Variants in LAMA2 observed in about 807,000 individuals in gnomAD.
LAMA2 encodes laminin subunit alpha 2.
In LAMA2, 269 loss-of-function variants were observed where a neutral mutation model predicts 364.8. The ratio of observed to expected loss-of-function variants is 0.74; its 90% confidence interval spans 0.67 to 0.82. The LOEUF (loss-of-function observed/expected upper bound fraction) is 0.82. Ranked by LOEUF, LAMA2 falls within the 40% of genes least tolerant of loss-of-function variation. The pLI, the probability that LAMA2 is intolerant of heterozygous loss-of-function variation, is 0.00. For synonymous variants in LAMA2, 1,379 were observed against 1,370.6 expected, an observed-to-expected ratio of 1.01 and a Z score of -0.14; for missense variants, 3,807 against 3,873.2, an observed-to-expected ratio of 0.98 and a Z score of 0.45.
intron 2 of LAMA2, among the ~76,000 whole-genome samples, chr6:129,052,538 TCCCCCG>T (rs1788148648): frequency 6.6e-6 from 1 of 151,768 alleles, no homozygotes; most frequent in South Asian, 2.1e-4. Context: ...TCCCCATATT[TCCCCCG>T]CCCCAACACA....
chr6:129,287,745 G>A, intron 18 of LAMA2, 102 bp from the exon 19 acceptor site: 1 of 1,015,430 alleles, frequency 9.8e-7, no homozygotes, highest in Non-Finnish European at 1.6e-6. Flanking sequence ...ACACTTAAAA[G>A]GAAAATCCAT....
rs200976751 is a variant in LAMA2, at chr6:129,200,537, AGT to A, written c.1782+7691_1782+7692del. Among the ~76,000 whole-genome samples, 1,194 of 151,196 alleles carry A rather than the reference AGT, an allele frequency of 7.9e-3. 15 individuals are homozygous for A. Among genetic ancestry groups the A allele is most frequent in the African/African-American group, 0.027 (1,132 of 41,190 alleles). ...GTATATGCATATATGTATATATGTGAGTGTGTGTATATATATATATTTAGAAA... is the reference window on the plus strand; with the variant it reads ...GTATATGCATATATGTATATATGTGAGTGTGTATATATATATATTTAGAAA... On this transcript the variant is annotated intron_variant, in intron 12 of 64. Coordinates refer to ENST00000421865, the MANE Select transcript of LAMA2 (RefSeq NM_000426.4).
intron 40 of LAMA2, among the ~76,000 whole-genome samples, chr6:129,422,146 T>A (rs182013619): frequency 6.6e-6 from 1 of 152,176 alleles, no homozygotes; most frequent in African/African-American, 2.4e-5. Flanking sequence ...ACATCAAAAG[T>A]CCCTGCCTGC....
intron 18 of LAMA2, 119 bp downstream of exon 18, chr6:129,280,266 A>C: frequency 1.4e-6 from 1 of 725,862 alleles, no homozygotes; most frequent in Non-Finnish European, 2.5e-6. Flanking sequence ...AATGAGGTGA[A>C]ATAAAGTTTC....
In LAMA2 at chr6:129,314,672, C is replaced by A. The variant is rs200646230; in HGVS notation, c.3429C>A (p.Ile1143=). The A allele has an allele frequency of 1.5e-4, 240 of 1,613,634 alleles. No homozygotes were observed. The East Asian group carries it at 5.0e-3, about 34-fold the overall frequency. Reference sequence around the variant, plus strand: ...TTCCTCAGGTGAATGTGGAAGGCATCCACTGTGACAGATGCCGGCCTGGCA... The same window carrying A: ...TTCCTCAGGTGAATGTGGAAGGCATACACTGTGACAGATGCCGGCCTGGCA... The part of the protein sequence containing the change: ...QCTCKVNVEG[I]HCDRCRPGKF... Residue 1143 remains isoleucine, a synonymous_variant, in exon 24 of 65, where the codon ATC becomes ATA. Coordinates refer to ENST00000421865, the MANE Select transcript of LAMA2 (RefSeq NM_000426.4).
chr6:129,504,036 G>A (rs560495031), intron 60 of LAMA2, among the ~76,000 whole-genome samples: 2 of 152,264 alleles, frequency 1.3e-5, no homozygotes, highest in African/African-American at 4.8e-5. Context: ...TTAAAGCAAA[G>A]CTTCCCTAGG....
At position 129,095,558 on chromosome 6, in the gene LAMA2, G is replaced by C. The variant is rs372524143; in HGVS notation, c.397-2615G>C. On this transcript the variant is annotated intron_variant, in intron 3 of 64. Coordinates refer to ENST00000421865, the MANE Select transcript of LAMA2 (RefSeq NM_000426.4). ...AAAATGTGTTTATGTAAAATTAAAT[G>C]AGAGCTGGCAGTGAGCTGTACATTT... Among the ~76,000 whole-genome samples, 919 of 152,160 alleles carry C rather than the reference G, an allele frequency of 6.0e-3. 8 individuals carry two copies. The highest frequency in any genetic ancestry group is 0.021 in the African/African-American group (880 of 41,518).
chr6:129,348,143 GTT>G (rs1776660349), intron 30 of LAMA2, among the ~76,000 whole-genome samples: 1 of 152,146 alleles, frequency 6.6e-6, no homozygotes, highest in Admixed American at 6.5e-5. Flanking sequence ...TCAGTTATAA[GTT>G]TATTTTTTGT....
Position 129,402,330 on chromosome 6 carries a change from G to A in LAMA2, c.5569G>A (p.Glu1857Lys). ...DEINSIIDYV[E>K]DIQTKLPPMS... ...CCTCTTCTCTACATATCAGTATGTT[G>A]AAGACATCCAAACTAAATTGCCACC... The change falls in exon 39 of 65, where the codon GAA becomes AAA. Residue 1857 changes from glutamate to lysine, a missense_variant. Physicochemically the swap from Glu to Lys is moderately conservative, Grantham distance 56. Coordinates refer to ENST00000421865, the MANE Select transcript of LAMA2 (RefSeq NM_000426.4). 1 of 1,610,942 alleles carries A rather than the reference G, an allele frequency of 6.2e-7. No homozygotes were observed. The highest frequency in any genetic ancestry group is 8.5e-7 in the Non-Finnish European group (1 of 1,178,144).
At chr6:128,914,215 A>C (rs1582664741) in intron 1 of LAMA2, among the ~76,000 whole-genome samples, 1 of 152,292 alleles carries the variant, frequency 6.6e-6, no homozygotes, top group East Asian at 1.9e-4. Context: ...CACAACTCCC[A>C]AAAACCAGCT....
At chr6:129,327,555 G>A (rs150403085) in intron 28 of LAMA2, among the ~76,000 whole-genome samples, 9 of 152,254 alleles carry the variant, frequency 5.9e-5, no homozygotes, top group South Asian at 2.1e-4. Flanking sequence ...AACACAAGAC[G>A]GTTTTCATCT....
chr6:129,316,113 T>C lies in LAMA2; in HGVS notation c.4000T>C (p.Tyr1334His), dbSNP rs762409442. 1 of 1,608,340 alleles carries C rather than the reference T, an allele frequency of 6.2e-7. No homozygotes were observed. The highest frequency in any genetic ancestry group is 8.5e-7 in the Non-Finnish European group (1 of 1,174,880). ...VTREDFLDIL[Y>H]DIHYILIKAT... Reference sequence around the variant, plus strand: ...CCGAGAAGACTTCTTGGATATACTATATGATATTCATTACATTCTTATCAA... The same window carrying C: ...CCGAGAAGACTTCTTGGATATACTACATGATATTCATTACATTCTTATCAA... Residue 1334 changes from tyrosine to histidine, a missense_variant, in exon 27 of 65, where the codon TAT becomes CAT. Around this residue, in one of 3 missense-constraint regions of LAMA2, gnomAD observed 3,333 missense variants for 3,345.7 expected, o/e 1.00. Transcript: ENST00000421865.
chr6:129,098,533 A>C, intron 4 of LAMA2, 118 bp downstream of exon 4: 1 of 1,230,310 alleles, frequency 8.1e-7, no homozygotes, highest in Non-Finnish European at 1.2e-6. Flanking sequence ...ATTTAGCAAA[A>C]GTACATTTAA....
chr6:128,980,588 C>T (rs1489005764), intron 1 of LAMA2, among the ~76,000 whole-genome samples: 1 of 152,126 alleles, frequency 6.6e-6, no homozygotes, highest in Non-Finnish European at 1.5e-5. Context: ...GAGCTGTGCA[C>T]ATATCTGCTA....
At chr6:129,068,950 A>G (rs1200422811) in intron 3 of LAMA2, among the ~76,000 whole-genome samples, 2 of 152,190 alleles carry the variant, frequency 1.3e-5, no homozygotes, top group Non-Finnish European at 2.9e-5. Flanking sequence ...GTGTAAATGT[A>G]GGATATGTAT....
chr6:129,067,011 A>AT (rs1789407910), intron 3 of LAMA2, among the ~76,000 whole-genome samples: 1 of 152,228 alleles, frequency 6.6e-6, no homozygotes. Context: ...CTGGGCAATG[A>AT]TTTTTTAAAG....
chr6:128,895,136 CT>C (rs746735873), intron 1 of LAMA2, among the ~76,000 whole-genome samples: 4 of 152,092 alleles, frequency 2.6e-5, no homozygotes, highest in Non-Finnish European at 5.9e-5. Context: ...GATACCATTT[CT>C]TTTTAAGGGG....
At chr6:129,439,883 T>C (rs1010284236) in intron 42 of LAMA2, among the ~76,000 whole-genome samples, 1 of 146,972 alleles carries the variant, frequency 6.8e-6, no homozygotes, top group African/African-American at 2.6e-5. Context: ...AACATAAGTA[T>C]AGATAACATA....
intron 1 of LAMA2, among the ~76,000 whole-genome samples, chr6:128,913,610 T>C (rs930891398): frequency 6.6e-6 from 1 of 152,220 alleles, no homozygotes; most frequent in African/African-American, 2.4e-5. Flanking sequence ...AGACACCATA[T>C]TCTTACTTCT....
Sources: allele counts gnomAD v4.1 joint callset (sites outside exome capture counted in the v4.1 genomes callset), GRCh38; gene constraint gnomAD v4.1.1; regional missense constraint gnomAD v4.1.1; transcripts MANE v1.5; gene names NCBI Gene and HGNC (gene_info 2026-07-23, HGNC 2026-07-21).